The following RRAS2 variants were observed in gnomAD, a reference collection of about 807,000 sequenced individuals.
The protein encoded by RRAS2 is RAS related 2, also known as ras-related protein R-Ras2.
Under a neutral mutation model 27.6 loss-of-function variants are expected in RRAS2, and 7 were observed. The observed-to-expected ratio is 0.25, with a 90% CI of 0.14 to 0.48. The LOEUF is 0.48. Among genes scored for constraint, RRAS2 ranks in the 20% least tolerant of loss-of-function variants. The probability of loss-of-function intolerance (pLI) is 0.99; values close to 1 mark genes in which losing one functional copy is unlikely to be tolerated. For missense variants in RRAS2, 178 were observed against 256.2 expected, an observed-to-expected ratio of 0.69 and a Z score of 2.08; for synonymous variants, 86 against 90.9, an observed-to-expected ratio of 0.95 and a Z score of 0.31.
intron 1 of RRAS2, among the ~76,000 whole-genome samples, chr11:14,337,381 T>C (rs1554952687): frequency 6.6e-6 from 1 of 152,164 alleles, no homozygotes; most frequent in African/African-American, 2.4e-5. Context: ...CATATCATCA[T>C]GCCTCAACGA....
intron 1 of RRAS2, among the ~76,000 whole-genome samples, chr11:14,298,545 C>G (rs1327446742): frequency 1.3e-5 from 2 of 152,298 alleles, no homozygotes; most frequent in Non-Finnish European, 1.5e-5. Context: ...CTTAGTATTA[C>G]AAGAATTTTG....
chr11:14,331,837 T>A (rs959383119), intron 1 of RRAS2, among the ~76,000 whole-genome samples: 1 of 152,024 alleles, frequency 6.6e-6, no homozygotes, highest in Middle Eastern at 3.2e-3. Context: ...ATTAAGAAAC[T>A]TTACAACTCA....
At chr11:14,344,145 T>C (rs1236366088) in intron 1 of RRAS2, among the ~76,000 whole-genome samples, 1 of 151,968 alleles carries the variant, frequency 6.6e-6, no homozygotes, top group East Asian at 1.9e-4. Flanking sequence ...ACAAAATAAT[T>C]TAAAAAAAAA....
intron 1 of RRAS2, among the ~76,000 whole-genome samples, chr11:14,339,705 A>C (rs1025308668): frequency 6.6e-6 from 1 of 152,216 alleles, no homozygotes; most frequent in African/African-American, 2.4e-5. Context: ...AAGTTATTAA[A>C]GTTAAAAAGA....
chr11:14,347,322 T>C (rs1848856470), intron 1 of RRAS2, among the ~76,000 whole-genome samples: 1 of 152,218 alleles, frequency 6.6e-6, no homozygotes, highest in Non-Finnish European at 1.5e-5. Flanking sequence ...ATTGTAATTG[T>C]AATAACAAAA....
Position 14,321,067 on chromosome 11 carries a change from C to T in RRAS2, c.109-25212G>A, listed in dbSNP as rs113351214. On this transcript the variant is annotated intron_variant, in intron 1 of 5. Transcript: ENST00000256196. Reference sequence around the variant, plus strand: ...TGGTGGCAGGCGCCTGTAATCCCAGCTACTTGGGAGGCTGAGGCAGGAGAA... The same window carrying T: ...TGGTGGCAGGCGCCTGTAATCCCAGTTACTTGGGAGGCTGAGGCAGGAGAA... Among the ~76,000 whole-genome samples, 1,458 of 151,976 alleles carry T rather than the reference C, an allele frequency of 9.6e-3. 24 individuals carry two copies. The highest frequency in any genetic ancestry group is 0.034 in the African/African-American group (1,401 of 41,432).
At chr11:14,342,198 A>C (rs1848726487) in intron 1 of RRAS2, 1 of 167,902 alleles carries the variant, frequency 6.0e-6, no homozygotes, top group South Asian at 1.6e-4. Flanking sequence ...AGTATCTATC[A>C]CTCTTTTCAG....
chr11:14,333,482 A>G (rs1848523439), intron 1 of RRAS2, among the ~76,000 whole-genome samples: 1 of 152,156 alleles, frequency 6.6e-6, no homozygotes, highest in South Asian at 2.1e-4. Flanking sequence ...CACAGAAAAG[A>G]AAAAAACAAA....
chr11:14,287,218 T>G (rs1255657741), intron 4 of RRAS2, among the ~76,000 whole-genome samples: 5 of 152,200 alleles, frequency 3.3e-5, no homozygotes, highest in African/African-American at 9.7e-5. Context: ...TTTCACCACG[T>G]CATCATGTCC....
Position 14,357,885 on chromosome 11 carries a change from A to G in RRAS2, c.108+878T>C, listed in dbSNP as rs552857686. ...TGTTTTAAAAATCCCAAAAAAGACTACTCAAACCTCTCCCCAAGAGCAAAT... is the reference window on the plus strand; with the variant it reads ...TGTTTTAAAAATCCCAAAAAAGACTGCTCAAACCTCTCCCCAAGAGCAAAT... On this transcript the variant is annotated intron_variant, in intron 1 of 5. Transcript: ENST00000256196. Among the ~76,000 whole-genome samples, 18 of 152,202 alleles carry G rather than the reference A, an allele frequency of 1.2e-4. No homozygotes were observed. In the South Asian group the frequency reaches 3.7e-3, roughly 32 times the overall value.
At chr11:14,350,115 G>A (rs1034336491) in intron 1 of RRAS2, among the ~76,000 whole-genome samples, 7 of 152,064 alleles carry the variant, frequency 4.6e-5, no homozygotes, top group African/African-American at 7.2e-5. Context: ...AAATACATAC[G>A]TATTTTCTTA....
At chr11:14,321,052 C>A (rs974375105) in intron 1 of RRAS2, among the ~76,000 whole-genome samples, 2 of 151,908 alleles carry the variant, frequency 1.3e-5, no homozygotes, top group African/African-American at 2.4e-5. Context: ...TGGTGGCAGG[C>A]GCCTGTAATC....
intron 1 of RRAS2, among the ~76,000 whole-genome samples, chr11:14,321,916 G>C (rs1421710681): frequency 5.3e-5 from 8 of 152,010 alleles, no homozygotes; most frequent in Non-Finnish European, 1.2e-4. Context: ...ACAATGATTA[G>C]TTCATTATAA....
At chr11:14,297,391 G>A (rs188800416) in intron 1 of RRAS2, among the ~76,000 whole-genome samples, 34 of 152,150 alleles carry the variant, frequency 2.2e-4, no homozygotes, top group Non-Finnish European at 4.6e-4. Flanking sequence ...GAATCCCCTG[G>A]TTTTGGGAGG....
At chr11:14,355,634 T>C (rs1455564581) in intron 1 of RRAS2, among the ~76,000 whole-genome samples, 1 of 152,208 alleles carries the variant, frequency 6.6e-6, no homozygotes, top group African/African-American at 2.4e-5. Context: ...CAAAGAAAGT[T>C]AGGGTAAAAG....
chr11:14,281,792 G>T (rs753507219), intron 4 of RRAS2, 72 bp from the exon 5 acceptor site: 1 of 1,312,874 alleles, frequency 7.6e-7, no homozygotes, highest in Non-Finnish European at 1.1e-6. Context: ...CCTGGCCACA[G>T]ATTGTGCTAA....
intron 1 of RRAS2, among the ~76,000 whole-genome samples, chr11:14,343,599 A>G (rs1848763829): frequency 6.6e-6 from 1 of 152,134 alleles, no homozygotes; most frequent in Non-Finnish European, 1.5e-5. Context: ...CAAGGCACGC[A>G]GGCAGATCGC....
intron 1 of RRAS2, among the ~76,000 whole-genome samples, chr11:14,326,409 T>C (rs556054434): frequency 8.8e-4 from 134 of 152,350 alleles, no homozygotes; most frequent in Middle Eastern, 3.4e-3. Flanking sequence ...AATAAAAAGT[T>C]ATCACACATA....
chr11:14,281,510 C>A, intron 5 of RRAS2, 92 bp downstream of exon 5: 1 of 991,476 alleles, frequency 1.0e-6, no homozygotes, highest in Non-Finnish European at 1.5e-6. Flanking sequence ...GCATTAATCC[C>A]TAGAAAGGAA....
Sources: gnomAD v4.1 joint callset for allele counts (sites outside exome capture counted in the v4.1 genomes callset) on GRCh38, gnomAD v4.1.1 for gene constraint, MANE v1.5 for transcripts, NCBI Gene and HGNC (gene_info 2026-07-23, HGNC 2026-07-21) for gene names.